IFT74: variants seen among roughly 807,000 people sequenced by gnomAD.
IFT74 encodes the protein intraflagellar transport 74, also known as intraflagellar transport protein 74 homolog.
In IFT74, 92 loss-of-function variants were observed where a neutral mutation model predicts 96.7. That is an observed-to-expected ratio of 0.95 (90% CI 0.80 to 1.13). The LOEUF is 1.13. IFT74 is among the 50% of genes most tolerant of loss of function. The pLI, the probability that IFT74 is intolerant of heterozygous loss-of-function variation, is 0.00. For missense variants in IFT74, 811 were observed against 698.2 expected (o/e 1.16, Z -1.82); for synonymous variants, 223 against 213.2 (o/e 1.05, Z -0.40).
intron 2 of IFT74, among the ~76,000 whole-genome samples, chr9:26,974,286 A>G (rs1827004844): frequency 6.6e-6 from 1 of 152,132 alleles, no homozygotes; most frequent in South Asian, 2.1e-4. Flanking sequence ...TTTCCTGAGA[A>G]GTTTACTTAG....
chr9:27,010,783 A>G (rs189446510), intron 9 of IFT74, among the ~76,000 whole-genome samples: 1,912 of 152,142 alleles, frequency 0.013, 32 homozygotes, highest in South Asian at 0.045. Context: ...CCACTTTTTT[A>G]GGCTCCTACA....
chr9:26,982,387 G>C (rs767611059), intron 4 of IFT74: 3 of 437,778 alleles, frequency 6.9e-6, no homozygotes, highest in South Asian at 3.2e-5. Flanking sequence ...CCTCAGCCTC[G>C]TGCCTGTAAT....
At chr9:26,989,288 C>T (rs1827770108) in intron 7 of IFT74, among the ~76,000 whole-genome samples, 1 of 152,076 alleles carries the variant, frequency 6.6e-6, no homozygotes, top group Non-Finnish European at 1.5e-5. Context: ...GTGATGGGTT[C>T]ACTAGAAGCC....
rs568833520 is a variant in IFT74, at chr9:27,059,731, A to G, written c.1624-860A>G. Among the ~76,000 whole-genome samples, 6 of 152,354 alleles carry G rather than the reference A, an allele frequency of 3.9e-5. No individual in the cohort carries two copies. The East Asian group carries it at 1.2e-3, about 29-fold the overall frequency. On this transcript the variant is annotated intron_variant, in intron 18 of 19. Coordinates refer to ENST00000380062, the MANE Select transcript of IFT74 (RefSeq NM_025103.4). ...TAGATTTATCTCTTTGGAGGAAACA[A>G]TGAGATGGATCTACATCAAGCCTGA...
intron 13 of IFT74, among the ~76,000 whole-genome samples, chr9:27,030,359 T>C (rs1830063712): frequency 6.6e-6 from 1 of 151,966 alleles, no homozygotes; most frequent in Non-Finnish European, 1.5e-5. Flanking sequence ...CCTGAGTAGC[T>C]GGGAATATAT....
intron 8 of IFT74, among the ~76,000 whole-genome samples, chr9:27,003,586 G>A (rs762514790): frequency 6.6e-6 from 1 of 151,874 alleles, no homozygotes; most frequent in South Asian, 2.1e-4. Context: ...AAAGTCTCTC[G>A]CCTCGTTAGC....
intron 19 of IFT74, 82 bp downstream of exon 19, chr9:27,060,733 T>C: frequency 1.1e-6 from 1 of 942,882 alleles, no homozygotes; most frequent in Non-Finnish European, 1.6e-6. Context: ...CCGAGGCAGG[T>C]GGGCCACAAG....
At chr9:27,043,511 A>T (rs1819562587) in intron 13 of IFT74, among the ~76,000 whole-genome samples, 1 of 152,206 alleles carries the variant, frequency 6.6e-6, no homozygotes, top group Non-Finnish European at 1.5e-5. Context: ...CTATTGTCAT[A>T]AAATAATCAT....
chr9:26,988,798 G>C, intron 7 of IFT74, 70 bp downstream of exon 7: 1 of 1,304,808 alleles, frequency 7.7e-7, no homozygotes, highest in Non-Finnish European at 1.0e-6. Flanking sequence ...TTTATATCTA[G>C]AAATAGTTTG....
chr9:26,994,012 C>T (rs1190936733), intron 8 of IFT74: 2 of 152,044 alleles, frequency 1.3e-5, no homozygotes, highest in African/African-American at 4.8e-5. Flanking sequence ...TGATTATAGC[C>T]AATTGATTAT....
intron 2 of IFT74, among the ~76,000 whole-genome samples, chr9:26,975,624 T>A (rs1451888433): frequency 6.6e-6 from 1 of 152,116 alleles, no homozygotes; most frequent in Admixed American, 6.5e-5. Context: ...ATCTTGGAGG[T>A]TTGGGATGGT....
chr9:26,983,057 C>T (rs578040900), intron 4 of IFT74, among the ~76,000 whole-genome samples: 52 of 152,076 alleles, frequency 3.4e-4, no homozygotes, highest in Admixed American at 5.2e-4. Flanking sequence ...TCTTTTATTT[C>T]GCTTTTGTTT....
At chr9:26,947,192 A>G in intron 1 of IFT74, 1 of 979,162 alleles carries the variant, frequency 1.0e-6, no homozygotes, top group Non-Finnish European at 1.4e-6. Context: ...CCGGTACGGA[A>G]GGGCGGCTGG....
At chr9:27,029,469 C>T (rs1283618842) in intron 13 of IFT74, among the ~76,000 whole-genome samples, 4 of 152,090 alleles carry the variant, frequency 2.6e-5, no homozygotes, top group African/African-American at 7.2e-5. Context: ...TATAGTCGGC[C>T]GGGTGTGGTG....
chr9:27,028,657 G>C (rs1829982726), intron 12 of IFT74, among the ~76,000 whole-genome samples: 1 of 152,040 alleles, frequency 6.6e-6, no homozygotes, highest in Non-Finnish European at 1.5e-5. Flanking sequence ...TCGGGAGGCT[G>C]AGGCAGGAGA....
chr9:26,985,172 A>T (rs1827581789), intron 6 of IFT74, among the ~76,000 whole-genome samples: 1 of 152,216 alleles, frequency 6.6e-6, no homozygotes, highest in Non-Finnish European at 1.5e-5. Context: ...ATGGAGCTGG[A>T]GGTCATTATC....
rs745511755 is a variant in IFT74, at chr9:27,062,752, A to T, written c.*16A>T. The T allele has an allele frequency of 6.0e-6, 8 of 1,322,536 alleles. No individual in the cohort carries two copies. Among genetic ancestry groups the T allele is most frequent in the Non-Finnish European group, 8.7e-6 (8 of 923,280 alleles). The allele number at this position is 1,322,536 out of a possible 1,614,324, so 81.9% of individuals were successfully genotyped here. A position where few individuals can be genotyped will look rare whatever the true frequency, so the allele number is the denominator to read the frequency against. On this transcript the variant is annotated 3_prime_UTR_variant, in exon 20 of 20. Transcript: ENST00000380062. ...CGGAAACTGAGTTTAAGTCCACTGA[A>T]AGTCTCTAAGGAAGTATCCTCTTGC...
chr9:26,955,892 C>T (rs1345921568), upstream of IFT74: 1 of 149,672 alleles, frequency 6.7e-6, no homozygotes. Context: ...TCCCCACAAA[C>T]TTGGATCCAA....
At chr9:27,006,730 G>C (rs1188779504) in intron 8 of IFT74, among the ~76,000 whole-genome samples, 1 of 148,110 alleles carries the variant, frequency 6.8e-6, no homozygotes, top group African/African-American at 2.5e-5. Context: ...AAAGGAGAGA[G>C]AGAGAAAAGA....
Sources: allele counts gnomAD v4.1 joint callset (sites outside exome capture counted in the v4.1 genomes callset), GRCh38; gene constraint gnomAD v4.1.1; transcripts MANE v1.5; gene names NCBI Gene and HGNC (gene_info 2026-07-23, HGNC 2026-07-21).